Variants in TRPM3 observed in about 807,000 individuals in gnomAD.
TRPM3 encodes transient receptor potential cation channel subfamily M member 3, also known as long transient receptor potential channel 3.
A neutral mutation model predicts 181.2 loss-of-function variants in TRPM3; 77 were observed. The observed-to-expected ratio is 0.42, with a 90% confidence interval of 0.35 to 0.51. The LOEUF (loss-of-function observed/expected upper bound fraction) is 0.51. Among genes scored for constraint, TRPM3 ranks in the 20% least tolerant of loss-of-function variants. The pLI is 0.01. For synonymous variants in TRPM3, 745 were observed against 796.4 expected, an observed-to-expected ratio of 0.94 and a Z score of 1.09; for missense variants, 1,759 against 2,196.7, an observed-to-expected ratio of 0.80 and a Z score of 3.98.
chr9:70,693,584 C>G (rs2069230684), intron 8 of TRPM3, among the ~76,000 whole-genome samples: 1 of 152,126 alleles, frequency 6.6e-6, no homozygotes, highest in African/African-American at 2.4e-5. Flanking sequence ...CAGCCTGAGC[C>G]CTTTTTTAAG....
At chr9:71,093,817 G>T (rs2066654531) in intron 1 of TRPM3, among the ~76,000 whole-genome samples, 1 of 152,066 alleles carries the variant, frequency 6.6e-6, no homozygotes, top group Non-Finnish European at 1.5e-5. Context: ...ATTTACAATA[G>T]CAAAGACTTG....
chr9:71,345,351 C>A (rs372067507), intron 1 of TRPM3, among the ~76,000 whole-genome samples: 1 of 152,054 alleles, frequency 6.6e-6, no homozygotes. Context: ...AAATTCCCAT[C>A]GATGATAGAC....
chr9:70,559,845 A>G (rs944746570), intron 22 of TRPM3, among the ~76,000 whole-genome samples: 1 of 152,182 alleles, frequency 6.6e-6, no homozygotes, highest in Non-Finnish European at 1.5e-5. Context: ...AGAATAGGAC[A>G]TCCTACTTAT....
At chr9:71,226,002 C>A (rs2309891) in intron 1 of TRPM3, among the ~76,000 whole-genome samples, 3 of 79,162 alleles carry the variant, frequency 3.8e-5, no homozygotes, top group South Asian at 3.8e-4. Context: ...ATAGAAACAA[C>A]AAAAGGTAAA....
At chr9:71,059,682 AC>A (rs2061082385) in intron 1 of TRPM3, among the ~76,000 whole-genome samples, 1 of 152,040 alleles carries the variant, frequency 6.6e-6, no homozygotes, top group African/African-American at 2.4e-5. Flanking sequence ...CAAAGCAAAA[AC>A]TGTTTCCCTG....
intron 1 of TRPM3, among the ~76,000 whole-genome samples, chr9:71,051,084 A>G (rs2060013374): frequency 6.6e-6 from 1 of 152,164 alleles, no homozygotes; most frequent in Non-Finnish European, 1.5e-5. Flanking sequence ...AAAGAGGGAG[A>G]TGACTGGGCT....
intron 1 of TRPM3, among the ~76,000 whole-genome samples, chr9:71,189,956 G>A (rs2077911020): frequency 6.6e-6 from 1 of 151,810 alleles, no homozygotes; most frequent in Admixed American, 6.6e-5. Context: ...AAATTTATCT[G>A]CAGCCTATAG....
At chr9:71,334,997 T>G (rs1434840527) in intron 1 of TRPM3, among the ~76,000 whole-genome samples, 1 of 152,148 alleles carries the variant, frequency 6.6e-6, no homozygotes, top group African/African-American at 2.4e-5. Context: ...AATGATGGAA[T>G]TTTGCCCTAC....
intron 1 of TRPM3, among the ~76,000 whole-genome samples, chr9:70,908,604 T>A (rs1418105353): frequency 6.6e-6 from 1 of 152,238 alleles, no homozygotes; most frequent in African/African-American, 2.4e-5. Flanking sequence ...TATAGAAATG[T>A]CAGGCCTCCC....
chr9:71,042,058 T>C (rs1039240336), intron 1 of TRPM3, among the ~76,000 whole-genome samples: 5 of 152,206 alleles, frequency 3.3e-5, no homozygotes, highest in African/African-American at 9.6e-5. Context: ...CCATCTTCCA[T>C]GCGAGAGACA....
At chr9:71,179,827 T>G (rs1049735045) in intron 1 of TRPM3, among the ~76,000 whole-genome samples, 3 of 152,104 alleles carry the variant, frequency 2.0e-5, no homozygotes, top group African/African-American at 7.2e-5. Context: ...AAAATCATAG[T>G]GAGACTTTCC....
chr9:71,245,886 A>C (rs2082008462), intron 1 of TRPM3, among the ~76,000 whole-genome samples: 1 of 152,212 alleles, frequency 6.6e-6, no homozygotes, highest in Admixed American at 6.5e-5. Flanking sequence ...AGTGCCCCAA[A>C]GAGGGGAGGA....
chr9:70,878,812 G>A (rs1890016), intron 1 of TRPM3, among the ~76,000 whole-genome samples: 112,170 of 151,896 alleles, frequency 0.74, 41,906 homozygotes, highest in African/African-American at 0.83. Context: ...CTTGTTAGAA[G>A]TGCTGATTCA....
chr9:70,763,294 G>A (rs1393611117), intron 7 of TRPM3, among the ~76,000 whole-genome samples: 1 of 152,068 alleles, frequency 6.6e-6, no homozygotes, highest in Non-Finnish European at 1.5e-5. Flanking sequence ...TGGATCACCT[G>A]AGCCCAGGAG....
chr9:71,136,949 G>A (rs1002604413), intron 1 of TRPM3, among the ~76,000 whole-genome samples: 12 of 152,272 alleles, frequency 7.9e-5, no homozygotes, highest in African/African-American at 2.2e-4. Flanking sequence ...GTGAGGGTGG[G>A]GGAGTCATTG....
At position 71,099,109 on chromosome 9, in the gene TRPM3, A is replaced by T. The variant is rs2067835284; in HGVS notation, c.177+22069T>A. On this transcript the variant is annotated intron_variant, in intron 1 of 25. Transcript: ENST00000677713. ...ACTGTAAACTAGGTGGCTTATAAAA[A>T]TTTATTTCTCACGTTTCTGAAGCCT... Among the ~76,000 whole-genome samples, 4 of 152,140 alleles carry T rather than the reference A, an allele frequency of 2.6e-5. No homozygotes were observed. The South Asian group carries it at 8.3e-4, about 32-fold the overall frequency.
intron 1 of TRPM3, among the ~76,000 whole-genome samples, chr9:71,321,037 T>C (rs1472391894): frequency 6.6e-6 from 1 of 152,140 alleles, no homozygotes; most frequent in Non-Finnish European, 1.5e-5. Flanking sequence ...CTTCTACCAA[T>C]TTCTGCTGTT....
intron 1 of TRPM3, among the ~76,000 whole-genome samples, chr9:71,102,857 C>T (rs565662848): frequency 2.4e-4 from 36 of 152,208 alleles, no homozygotes; most frequent in African/African-American, 7.7e-4. Flanking sequence ...GCATTGCTAA[C>T]GTAACACATG....
At chr9:70,959,033 T>G (rs1258326754) in intron 1 of TRPM3, among the ~76,000 whole-genome samples, 2 of 150,430 alleles carry the variant, frequency 1.3e-5, no homozygotes, top group African/African-American at 2.5e-5. Context: ...GGGATAGCAT[T>G]AGGAGATATA....
Sources: allele counts gnomAD v4.1 joint callset (sites outside exome capture counted in the v4.1 genomes callset), GRCh38; gene constraint gnomAD v4.1.1; transcripts MANE v1.5; gene names NCBI Gene and HGNC (gene_info 2026-07-23, HGNC 2026-07-21).